SORCS1: variants seen among roughly 807,000 people sequenced by gnomAD.
SORCS1 encodes the protein sortilin related VPS10 domain containing receptor 1.
SORCS1 carries 60 observed loss-of-function variants against 146.1 expected under a neutral mutation model. The ratio of observed to expected loss-of-function variants is 0.41; its 90% confidence interval spans 0.33 to 0.51. The LOEUF (loss-of-function observed/expected upper bound fraction) is 0.51, where lower values mean the gene tolerates loss of function less well. Among genes scored for constraint, SORCS1 ranks in the 20% least tolerant of loss-of-function variants. The pLI is 0.21. For missense variants in SORCS1, 1,352 were observed against 1,487.6 expected (o/e 0.91, Z 1.50); for synonymous variants, 637 against 584.0 (o/e 1.09, Z -1.31).
At chr10:107,043,169 G>A (rs1056111946) in intron 1 of SORCS1, among the ~76,000 whole-genome samples, 2 of 152,108 alleles carry the variant, frequency 1.3e-5, no homozygotes, top group Admixed American at 6.5e-5. Flanking sequence ...ACACTTCCAG[G>A]GAAATGTTAA....
At chr10:106,703,187 A>T (rs533440445) in intron 8 of SORCS1, among the ~76,000 whole-genome samples, 4 of 152,102 alleles carry the variant, frequency 2.6e-5, no homozygotes, top group South Asian at 2.1e-4. Flanking sequence ...TAAAAAAAAA[A>T]AAAATAAAGA....
At chr10:106,976,325 G>GTTTTTTTTTTTT (rs1554901295) in intron 1 of SORCS1, among the ~76,000 whole-genome samples, 1 of 90,488 alleles carries the variant, frequency 1.1e-5, no homozygotes, top group Non-Finnish European at 2.0e-5. Flanking sequence ...CATCATCTAG[G>GTTTTTTTTTTTT]TTTTTTTGTT....
intron 8 of SORCS1, among the ~76,000 whole-genome samples, chr10:106,701,694 C>T (rs1854150821): frequency 6.6e-6 from 1 of 152,192 alleles, no homozygotes; most frequent in South Asian, 2.1e-4. Flanking sequence ...TTAAAGAAGA[C>T]AGTCTAGTAA....
intron 1 of SORCS1, among the ~76,000 whole-genome samples, chr10:107,120,612 T>C (rs1966344611): frequency 3.3e-5 from 5 of 152,188 alleles, no homozygotes; most frequent in Non-Finnish European, 1.5e-5. Flanking sequence ...AATCTCATAA[T>C]GCACAGGATA....
At chr10:106,805,893 C>T (rs1222893981) in intron 3 of SORCS1, among the ~76,000 whole-genome samples, 3 of 149,196 alleles carry the variant, frequency 2.0e-5, no homozygotes, top group Non-Finnish European at 3.0e-5. Context: ...CCCGTCTCTA[C>T]TAAAAAAATA....
chr10:106,844,916 AT>A (rs1949253444), intron 2 of SORCS1, among the ~76,000 whole-genome samples: 1 of 149,648 alleles, frequency 6.7e-6, no homozygotes, highest in Admixed American at 6.7e-5. Flanking sequence ...TGAACTCATC[AT>A]TTTTTATGGC....
At chr10:106,993,689 A>C (rs1956868165) in intron 1 of SORCS1, among the ~76,000 whole-genome samples, 1 of 152,174 alleles carries the variant, frequency 6.6e-6, no homozygotes, top group Non-Finnish European at 1.5e-5. Flanking sequence ...ACATGAGGGA[A>C]AAAAAATATT....
At position 106,937,723 on chromosome 10, in the gene SORCS1, G is replaced by T. The variant is rs573561597; in HGVS notation, c.626+18790C>A. Among the ~76,000 whole-genome samples the T allele has an allele frequency of 1.3e-4, 20 of 152,184 alleles. No homozygotes were observed. The South Asian group carries it at 1.9e-3, about 14-fold the overall frequency. Reference sequence around the variant, plus strand: ...TCATGCCTGTAATCCCAGCACTTTGGGGGGCTGAGGCAGGTGGATCACCTG... The same window carrying T: ...TCATGCCTGTAATCCCAGCACTTTGTGGGGCTGAGGCAGGTGGATCACCTG... On this transcript the variant is annotated intron_variant, in intron 2 of 25. Coordinates refer to ENST00000263054, the MANE Select transcript of SORCS1 (RefSeq NM_052918.5).
intron 3 of SORCS1, among the ~76,000 whole-genome samples, chr10:106,793,881 T>A (rs1166048630): frequency 6.6e-6 from 1 of 152,178 alleles, no homozygotes; most frequent in Non-Finnish European, 1.5e-5. Context: ...ACAAAACATA[T>A]GTCTCCCCAA....
upstream of SORCS1, among the ~76,000 whole-genome samples, chr10:107,164,804 C>G (rs868176886): frequency 6.6e-4 from 98 of 148,176 alleles, no homozygotes; most frequent in African/African-American, 2.2e-3. This position sits in a 1 kb window ranked among gnomAD's most constrained non-coding sequence, Gnocchi z 6.8. Flanking sequence ...GCGGGCGACG[C>G]GGGAGGGAGG....
At chr10:106,604,008 C>T (rs546065343) in intron 23 of SORCS1, among the ~76,000 whole-genome samples, 2 of 152,288 alleles carry the variant, frequency 1.3e-5, no homozygotes, top group East Asian at 3.9e-4. Flanking sequence ...GAACCTGCAA[C>T]TCTCGCTGGT....
intron 2 of SORCS1, among the ~76,000 whole-genome samples, chr10:106,869,515 C>A (rs1950332551): frequency 6.6e-6 from 1 of 152,154 alleles, no homozygotes; most frequent in Admixed American, 6.5e-5. Context: ...GGCTTCACAT[C>A]CAGGATACAA....
intron 1 of SORCS1, among the ~76,000 whole-genome samples, chr10:107,059,089 A>G (rs1300324678): frequency 6.6e-6 from 1 of 152,160 alleles, no homozygotes; most frequent in Non-Finnish European, 1.5e-5. Flanking sequence ...ATTTGTTTCT[A>G]TGATTAGTGT....
At chr10:106,967,934 G>GT (rs778200497) in intron 1 of SORCS1, among the ~76,000 whole-genome samples, 1 of 151,890 alleles carries the variant, frequency 6.6e-6, no homozygotes, top group Non-Finnish European at 1.5e-5. Flanking sequence ...GCCGGGTGTG[G>GT]TGGCTCACGC....
At chr10:106,768,773 C>G (rs1412488490) in intron 4 of SORCS1, among the ~76,000 whole-genome samples, 1 of 152,190 alleles carries the variant, frequency 6.6e-6, no homozygotes, top group African/African-American at 2.4e-5. Flanking sequence ...ATTCCAGCTG[C>G]ACCACACCAG....
intron 1 of SORCS1, among the ~76,000 whole-genome samples, chr10:107,039,809 C>G (rs1220201333): frequency 6.6e-6 from 1 of 152,164 alleles, no homozygotes; most frequent in African/African-American, 2.4e-5. Flanking sequence ...TAAAATAAGG[C>G]TACTTACTAA....
At chr10:106,984,416 CAG>C (rs200504110) in intron 1 of SORCS1, among the ~76,000 whole-genome samples, 6,677 of 106,724 alleles carry the variant, frequency 0.063, 550 homozygotes, top group African/African-American at 0.19. Flanking sequence ...TTTTTTGAGA[CAG>C]AGTTTTGCTC....
Position 106,597,253 on chromosome 10 carries a change from G to A in SORCS1, c.3265+98C>T, listed in dbSNP as rs55993442. ...CGATGACTGATTTGATTTCTGATTA[G>A]CATTGTTACCATCTAGCCTTTTTAT... On this transcript the variant is annotated intron_variant, in intron 24 of 25. Transcript: ENST00000263054. The A allele has an allele frequency of 7.0e-4, 643 of 920,540 alleles. 1 individual carries two copies. In the African/African-American group the frequency reaches 9.0e-3, roughly 13 times the overall value. 57.0% of individuals were successfully genotyped at this position (920,540 alleles called of 1,614,324 possible).
At chr10:106,779,143 C>A (rs565818406) in intron 3 of SORCS1, among the ~76,000 whole-genome samples, 1 of 152,162 alleles carries the variant, frequency 6.6e-6, no homozygotes, top group Non-Finnish European at 1.5e-5. Flanking sequence ...ATAGGCAGAC[C>A]AAAATCCCAC....
Sources: gnomAD v4.1 joint callset for allele counts (sites outside exome capture counted in the v4.1 genomes callset) on GRCh38, gnomAD v4.1.1 for gene constraint, Gnocchi (gnomAD v3.1) non-coding constraint, MANE v1.5 for transcripts, NCBI Gene and HGNC (gene_info 2026-07-23, HGNC 2026-07-21) for gene names.